The following KIAA1328 variants were observed in gnomAD, a reference collection of about 807,000 sequenced individuals.
The protein encoded by KIAA1328 is protein hinderin.
A neutral mutation model predicts 68.1 loss-of-function variants in KIAA1328; 52 were observed. The observed-to-expected ratio is 0.76, with a 90% CI of 0.61 to 0.96. The LOEUF (loss-of-function observed/expected upper bound fraction) is 0.96. KIAA1328 is among the 40% of genes least tolerant of loss of function. The probability of loss-of-function intolerance (pLI) is 0.00; values close to 1 mark genes in which losing one functional copy is unlikely to be tolerated. For synonymous variants in KIAA1328, 232 were observed against 239.4 expected, an observed-to-expected ratio of 0.97 and a Z score of 0.28; for missense variants, 641 against 677.6, an observed-to-expected ratio of 0.95 and a Z score of 0.60.
chr18:37,225,286 A>G lies in KIAA1328; in HGVS notation c.*3059A>G, dbSNP rs769652434. 6 of 985,320 alleles carry G rather than the reference A, an allele frequency of 6.1e-6. No homozygotes were observed. Among genetic ancestry groups the G allele is most frequent in the Admixed American group, 6.1e-5 (1 of 16,262 alleles). 61.0% of individuals were successfully genotyped at this position (985,320 alleles called of 1,614,324 possible). ...TTTGAATATGAGCAAATGTTTATGT[A>G]CGTATGAGATTTCAAGTTAATAAAT... On this transcript the variant is annotated 3_prime_UTR_variant, in exon 10 of 10. Transcript: ENST00000280020.
intron 5 of KIAA1328, among the ~76,000 whole-genome samples, chr18:36,891,283 A>T (rs2048676711): frequency 1.3e-5 from 2 of 152,214 alleles, no homozygotes; most frequent in African/African-American, 4.8e-5. Flanking sequence ...CAAGAAATAC[A>T]TATAATTTTA....
intron 6 of KIAA1328, among the ~76,000 whole-genome samples, chr18:37,045,447 A>G (rs2151640069): frequency 6.6e-6 from 1 of 151,852 alleles, no homozygotes; most frequent in Non-Finnish European, 1.5e-5. Context: ...TTCATTTCAA[A>G]TGCTTACCAA....
chr18:37,092,613 C>G (rs2057297428), intron 7 of KIAA1328, among the ~76,000 whole-genome samples: 2 of 152,036 alleles, frequency 1.3e-5, no homozygotes. Flanking sequence ...CTATACCCAC[C>G]ACTACTGTCA....
At chr18:36,934,795 G>A (rs886762626) in intron 5 of KIAA1328, among the ~76,000 whole-genome samples, 2 of 152,132 alleles carry the variant, frequency 1.3e-5, no homozygotes, top group Admixed American at 1.3e-4. Flanking sequence ...AAGTTTAGAG[G>A]TGACAAAGAC....
intron 7 of KIAA1328, among the ~76,000 whole-genome samples, chr18:37,128,334 T>C (rs1599367605): frequency 6.6e-6 from 1 of 152,058 alleles, no homozygotes; most frequent in Non-Finnish European, 1.5e-5. Flanking sequence ...ATTAGCTGGG[T>C]GTGGTGGTGC....
chr18:37,093,741 G>T (rs1048183531), intron 7 of KIAA1328, among the ~76,000 whole-genome samples: 1 of 152,170 alleles, frequency 6.6e-6, no homozygotes, highest in Non-Finnish European at 1.5e-5. Context: ...TGAAATAGTA[G>T]CTGAAAATGT....
At chr18:36,891,072 A>T (rs1304101647) in intron 5 of KIAA1328, among the ~76,000 whole-genome samples, 3 of 152,200 alleles carry the variant, frequency 2.0e-5, no homozygotes, top group Non-Finnish European at 4.4e-5. Flanking sequence ...TTAAGAATAT[A>T]ATTGAGATAG....
At chr18:36,992,112 G>T (rs1002085770) in intron 6 of KIAA1328, among the ~76,000 whole-genome samples, 1 of 152,086 alleles carries the variant, frequency 6.6e-6, no homozygotes, top group African/African-American at 2.4e-5. Flanking sequence ...TTAGTAATTT[G>T]TCTTTTCATA....
intron 9 of KIAA1328, among the ~76,000 whole-genome samples, chr18:37,214,301 T>TAATCCATCTTGAATTGATTTTTA (rs1402355050): frequency 6.6e-6 from 1 of 152,244 alleles, no homozygotes; most frequent in Non-Finnish European, 1.5e-5. Context: ...TTTAAGTCTT[T>TAATCCATCTTGAATTGATTTTTA]AATCCTTTTT....
chr18:36,949,094 G>C (rs1221952730), intron 5 of KIAA1328, among the ~76,000 whole-genome samples: 1 of 152,130 alleles, frequency 6.6e-6, no homozygotes, highest in African/African-American at 2.4e-5. Flanking sequence ...GAAGCTTCTT[G>C]GGGGAGAGGT....
chr18:37,050,658 A>G (rs2055656518), intron 6 of KIAA1328, among the ~76,000 whole-genome samples: 1 of 152,232 alleles, frequency 6.6e-6, no homozygotes, highest in South Asian at 2.1e-4. Context: ...CCTCACAATT[A>G]GACGTTTGTC....
intron 9 of KIAA1328, among the ~76,000 whole-genome samples, chr18:37,205,312 G>C (rs2060196868): frequency 6.6e-6 from 1 of 152,182 alleles, no homozygotes; most frequent in South Asian, 2.1e-4. Flanking sequence ...CCAAAGGTGG[G>C]AAAATGTGAG....
chr18:36,963,842 T>G (rs2051802582), intron 6 of KIAA1328, among the ~76,000 whole-genome samples: 1 of 152,234 alleles, frequency 6.6e-6, no homozygotes, highest in Non-Finnish European at 1.5e-5. Flanking sequence ...GGCATCTTGT[T>G]GCATTGGTTT....
At chr18:37,137,251 A>G (rs116509268) in intron 7 of KIAA1328, among the ~76,000 whole-genome samples, 78 of 152,070 alleles carry the variant, frequency 5.1e-4, no homozygotes, top group African/African-American at 1.9e-3. Context: ...CTCAAATCCA[A>G]ATGTCTCTTG....
intron 6 of KIAA1328, among the ~76,000 whole-genome samples, chr18:37,036,105 A>C (rs1043170419): frequency 1.3e-5 from 2 of 152,132 alleles, no homozygotes; most frequent in African/African-American, 2.4e-5. Context: ...AGTAATGGCC[A>C]AAAAAAGGGT....
At chr18:36,860,985 A>G (rs997989689) in intron 4 of KIAA1328, among the ~76,000 whole-genome samples, 7 of 152,166 alleles carry the variant, frequency 4.6e-5, no homozygotes, top group African/African-American at 1.7e-4. Context: ...CTGAATAATC[A>G]TGGTGAAATT....
intron 7 of KIAA1328, among the ~76,000 whole-genome samples, chr18:37,081,878 G>A (rs1160916066): frequency 6.6e-6 from 1 of 152,020 alleles, no homozygotes; most frequent in African/African-American, 2.4e-5. Flanking sequence ...AAAAATTTCT[G>A]GGTCTGGTTT....
At chr18:37,079,387 G>A (rs1273571340) in intron 7 of KIAA1328, among the ~76,000 whole-genome samples, 2 of 137,660 alleles carry the variant, frequency 1.5e-5, no homozygotes, top group Non-Finnish European at 1.5e-5. Flanking sequence ...GCTAAATGAC[G>A]AGTTAATGGG....
intron 9 of KIAA1328, among the ~76,000 whole-genome samples, chr18:37,186,050 T>C (rs926176206): frequency 1.3e-5 from 2 of 151,898 alleles, no homozygotes; most frequent in African/African-American, 4.8e-5. Flanking sequence ...TACAGTTACA[T>C]TTTTCAGTGT....
Sources: allele counts gnomAD v4.1 joint callset (sites outside exome capture counted in the v4.1 genomes callset), GRCh38; gene constraint gnomAD v4.1.1; transcripts MANE v1.5; gene names NCBI Gene and HGNC (gene_info 2026-07-23, HGNC 2026-07-21).